Variants in SCNN1B observed in about 807,000 individuals in gnomAD.
The protein encoded by SCNN1B is sodium channel epithelial 1 subunit beta.
In SCNN1B, 46 loss-of-function variants were observed where a neutral mutation model predicts 65.3. The ratio of observed to expected loss-of-function variants is 0.70; its 90% CI spans 0.56 to 0.90. The LOEUF (loss-of-function observed/expected upper bound fraction) is 0.90, where lower values mean the gene tolerates loss of function less well. SCNN1B is among the 40% of genes least tolerant of loss of function. The probability of loss-of-function intolerance (pLI) is 0.00; values close to 1 mark genes in which losing one functional copy is unlikely to be tolerated. For missense variants in SCNN1B, 751 were observed against 830.5 expected (o/e 0.90, Z 1.18); for synonymous variants, 349 against 330.6 (o/e 1.06, Z -0.60).
chr16:23,343,475 A>AAAGGAAGGAAGG lies in SCNN1B; in HGVS notation c.-8-5094_-8-5083dup, dbSNP rs569501062. 5.0e-3 allele frequency among the ~76,000 whole-genome samples: 571 copies of AAAGGAAGGAAGG among 113,122 alleles called. 47 individuals carry two copies. The highest frequency in any genetic ancestry group is 0.027 in the African/African-American group (486 of 18,160). The allele number at this position is 113,122 out of a possible 152,430, so 74.2% of individuals were successfully genotyped here. A position where few individuals can be genotyped will look rare whatever the true frequency, so the allele number is the denominator to read the frequency against. On this transcript the variant is annotated intron_variant, in intron 1 of 12. Coordinates refer to ENST00000343070, the MANE Select transcript of SCNN1B (RefSeq NM_000336.3). ...CAAAAATAAAAAAAGGAAAAGAAAG[A>AAAGGAAGGAAGG]AAGGAAGGAAGGAAGGAAGGAAGGA...
At chr16:23,368,626 G>A (rs376895981) in intron 5 of SCNN1B, among the ~76,000 whole-genome samples, 6 of 152,122 alleles carry the variant, frequency 3.9e-5, no homozygotes, top group Middle Eastern at 3.2e-3. Flanking sequence ...ATAGTAAATC[G>A]TATCTACCGT....
upstream of SCNN1B, among the ~76,000 whole-genome samples, chr16:23,301,764 C>A (rs1408454305): frequency 6.6e-6 from 1 of 152,060 alleles, no homozygotes; most frequent in Non-Finnish European, 1.5e-5. Flanking sequence ...TAGGACCTAT[C>A]GGGGATGACT....
chr16:23,355,449 A>G lies in SCNN1B; in HGVS notation c.736A>G (p.Ile246Val). 1 of 1,614,134 alleles carries G rather than the reference A, an allele frequency of 6.2e-7. No individual in the cohort carries two copies. Among genetic ancestry groups the G allele is most frequent in the Non-Finnish European group, 8.5e-7 (1 of 1,180,022 alleles). Residue 246 changes from isoleucine to valine, a missense_variant, in exon 4 of 13, where the codon ATC becomes GTC. Physicochemically the swap from Ile to Val is conservative, Grantham distance 29. Transcript: ENST00000343070. Reference sequence around the variant, plus strand: ...GATGAGCTACCCCGGCGAGCAGATGATCCTGGCCTGCCTATTCGGAGCTGA... The same window carrying G: ...GATGAGCTACCCCGGCGAGCAGATGGTCCTGGCCTGCCTATTCGGAGCTGA... ...VEMSYPGEQM[I>V]LACLFGAEPC... is the part of the protein sequence containing the mutation.
rs537978839 is a variant in SCNN1B, at chr16:23,292,012, C to T, written n.178+8208C>T. On this transcript the variant is annotated intron_variant and non_coding_transcript_variant, in intron 2 of 3. Transcript: ENST00000569789. Reference sequence around the variant, plus strand: ...CTGCAACTTGTTTTTTTCTCTCACGCCCCACATCCAATTCTTCAGCAAATT... The same window carrying T: ...CTGCAACTTGTTTTTTTCTCTCACGTCCCACATCCAATTCTTCAGCAAATT... Among the ~76,000 whole-genome samples the T allele has an allele frequency of 6.6e-5, 10 of 151,938 alleles. No individual in the cohort carries two copies. The South Asian group carries it at 2.1e-3, about 32-fold the overall frequency.
chr16:23,328,399 C>T (rs185943736), intron 1 of SCNN1B, among the ~76,000 whole-genome samples: 151 of 152,272 alleles, frequency 9.9e-4, no homozygotes, highest in African/African-American at 3.6e-3. Context: ...AATTGGTTCC[C>T]AGGGACAGCC....
upstream of SCNN1B, among the ~76,000 whole-genome samples, chr16:23,300,010 CA>C (rs1446074890): frequency 6.6e-6 from 1 of 152,098 alleles, no homozygotes; most frequent in Non-Finnish European, 1.5e-5. Context: ...ACTATGCAGC[CA>C]TAAAAAAGGA....
chr16:23,365,489 GAA>G (rs753768187), intron 4 of SCNN1B, among the ~76,000 whole-genome samples: 5 of 126,212 alleles, frequency 4.0e-5, no homozygotes, highest in Non-Finnish European at 8.7e-5. Flanking sequence ...AGAAAAAGAA[GAA>G]AAGAAAGAAA....
intron 4 of SCNN1B, among the ~76,000 whole-genome samples, chr16:23,360,919 C>G (rs919753275): frequency 6.6e-6 from 1 of 152,084 alleles, no homozygotes; most frequent in Non-Finnish European, 1.5e-5. Context: ...CTCAGCCTCC[C>G]GAGTAGCTGG....
chr16:23,370,294 C>T (rs903915792), intron 5 of SCNN1B, among the ~76,000 whole-genome samples: 24 of 151,938 alleles, frequency 1.6e-4, no homozygotes, highest in Non-Finnish European at 2.8e-4. Flanking sequence ...TTAGTAGAGA[C>T]GAGGTTTCAC....
At chr16:23,279,291 G>C (rs901267168) in intron 1 of SCNN1B, among the ~76,000 whole-genome samples, 1 of 152,180 alleles carries the variant, frequency 6.6e-6, no homozygotes, top group African/African-American at 2.4e-5. Flanking sequence ...TGTTGGCCAG[G>C]CTGGTCCTGA....
chr16:23,365,750 C>T (rs1434774861), intron 4 of SCNN1B, among the ~76,000 whole-genome samples: 1 of 152,202 alleles, frequency 6.6e-6, no homozygotes, highest in South Asian at 2.1e-4. Flanking sequence ...TAGCACCCAC[C>T]TCAACAAACA....
chr16:23,360,567 A>T, intron 4 of SCNN1B, among the ~76,000 whole-genome samples: 1 of 143,676 alleles, frequency 7.0e-6, no homozygotes, highest in Admixed American at 7.0e-5. Flanking sequence ...AGAGAGAGAG[A>T]CTTTGTTGTT....
At chr16:23,302,884 C>T (rs768895193) in intron 1 of SCNN1B, among the ~76,000 whole-genome samples, 2 of 152,114 alleles carry the variant, frequency 1.3e-5, no homozygotes, top group Non-Finnish European at 2.9e-5. Context: ...TCTTGCTGTC[C>T]CCATTTTGCA....
chr16:23,348,992 TCCTTC>T lies in SCNN1B; in HGVS notation c.311+84_311+88del. The T allele has an allele frequency of 9.4e-7, 1 of 1,063,602 alleles. No individual in the cohort carries two copies. Among genetic ancestry groups the T allele is most frequent in the Non-Finnish European group, 1.5e-6 (1 of 686,458 alleles). The allele number at this position is 1,063,602 out of a possible 1,614,324, so 65.9% of individuals were successfully genotyped here. On this transcript the variant is annotated intron_variant, in intron 2 of 12. Transcript: ENST00000343070. This position sits in a 1 kb window ranked among gnomAD's most constrained non-coding sequence, Gnocchi z 4.5. ...CTTTTCTTCCCTTCTACCTTTCCTTTCCTTCCTTTCCTTCCTTCTCCTTTCTCTCC... is the reference window on the plus strand; with the variant it reads ...CTTTTCTTCCCTTCTACCTTTCCTTTCTTTCCTTCCTTCTCCTTTCTCTCC...
At chr16:23,315,766 C>T (rs754113060) in intron 1 of SCNN1B, among the ~76,000 whole-genome samples, 5 of 152,040 alleles carry the variant, frequency 3.3e-5, no homozygotes, top group Non-Finnish European at 5.9e-5. Context: ...ATCGTGCCAC[C>T]GCACTCCAGC....
chr16:23,303,721 G>A (rs927319163), intron 1 of SCNN1B, among the ~76,000 whole-genome samples: 1 of 149,878 alleles, frequency 6.7e-6, no homozygotes, highest in Admixed American at 6.7e-5. Context: ...TTTGAGACCA[G>A]CCCAGCCTAC....
chr16:23,336,827 T>C (rs749255832), intron 1 of SCNN1B, among the ~76,000 whole-genome samples: 61 of 152,162 alleles, frequency 4.0e-4, no homozygotes, highest in Admixed American at 5.9e-4. Context: ...TAGGAGGAAG[T>C]TGAGTTTATT....
At chr16:23,358,283 G>A (rs1237849213) in intron 4 of SCNN1B, 1 of 152,210 alleles carries the variant, frequency 6.6e-6, no homozygotes, top group African/African-American at 2.4e-5. Context: ...CTGGCTGATG[G>A]GCCACTAAAA....
At chr16:23,344,936 G>A (rs1272705429) in intron 1 of SCNN1B, among the ~76,000 whole-genome samples, 2 of 152,188 alleles carry the variant, frequency 1.3e-5, no homozygotes, top group South Asian at 2.1e-4. Context: ...GGAGGTTGCA[G>A]TGAGTCAAGA....
Sources: allele counts gnomAD v4.1 joint callset (sites outside exome capture counted in the v4.1 genomes callset), GRCh38; gene constraint gnomAD v4.1.1; non-coding constraint Gnocchi (gnomAD v3.1); transcripts MANE v1.5; gene names NCBI Gene and HGNC (gene_info 2026-07-23, HGNC 2026-07-21).